PLAAT1: variants seen among roughly 807,000 people sequenced by gnomAD.
The protein encoded by PLAAT1 is H-REV107 protein-related protein.
PLAAT1 carries 13 observed loss-of-function variants against 16.4 expected under a neutral mutation model. The observed-to-expected ratio is 0.79, with a 90% CI of 0.52 to 1.26. PLAAT1 has a LOEUF of 1.26. Among genes scored for constraint, PLAAT1 ranks in the 50% most tolerant of loss-of-function variants. The pLI is 0.00. For synonymous variants in PLAAT1, 73 were observed against 78.4 expected (o/e 0.93, Z 0.36); for missense variants, 218 against 207.8 (o/e 1.05, Z -0.30).
chr3:193,241,497 T>C lies in PLAAT1; in HGVS notation c.-37T>C. The C allele has an allele frequency of 4.9e-6, 6 of 1,231,872 alleles. No homozygotes were observed. The highest frequency in any genetic ancestry group is 6.1e-6 in the Non-Finnish European group (6 of 988,168). 76.3% of individuals were successfully genotyped at this position (1,231,872 alleles called of 1,614,324 possible). On this transcript the variant is annotated 5_prime_UTR_variant, in exon 1 of 4. Coordinates refer to ENST00000264735, the MANE Select transcript of PLAAT1 (RefSeq NM_020386.5). The stretch of plus-strand genomic sequence containing the variant: ...AGACCCCAGGACACACACAGCTGCC[T>C]CCCGGTGCGAGAAGAAGACCCCGGC...
intron 2 of PLAAT1, among the ~76,000 whole-genome samples, chr3:193,259,591 G>T (rs567111866): frequency 2.6e-5 from 4 of 152,104 alleles, no homozygotes; most frequent in African/African-American, 9.6e-5. Flanking sequence ...TAACATTCTA[G>T]CTGAGAGCCA....
chr3:193,279,299 T>C, downstream of PLAAT1: 1 of 1,246,360 alleles, frequency 8.0e-7, no homozygotes, highest in Non-Finnish European at 1.2e-6. Flanking sequence ...AATTGACTTG[T>C]GAATTACAAT....
chr3:193,257,408 G>A (rs75843038), intron 2 of PLAAT1, among the ~76,000 whole-genome samples: 1,592 of 152,188 alleles, frequency 0.01, 55 homozygotes, highest in East Asian at 0.072. Flanking sequence ...TTTATTGCAG[G>A]GAAGATGGTC....
intron 1 of PLAAT1, among the ~76,000 whole-genome samples, chr3:193,246,356 TATTA>T (rs1715983155): frequency 8.0e-6 from 1 of 125,308 alleles, no homozygotes; most frequent in Non-Finnish European, 1.8e-5. Context: ...TATATTTATT[TATTA>T]ATGTATTTAT....
In PLAAT1 at chr3:193,255,740, C is replaced by T. The variant is rs753108985; in HGVS notation, c.90C>T (p.His30=). Reference sequence around the variant, plus strand: ...AAGTGTTCCGTCCTGGCTATCAGCACTGGGCCCTGTACTTGGGTGATGGTT... The same window carrying T: ...AAGTGTTCCGTCCTGGCTATCAGCATTGGGCCCTGTACTTGGGTGATGGTT... The part of the protein sequence containing the change: ...LIEVFRPGYQ[H]WALYLGDGYV... The change falls in exon 2 of 4, where the codon CAC becomes CAT. Residue 30 remains histidine, a synonymous_variant. Transcript: ENST00000264735. The T allele has an allele frequency of 1.9e-6, 3 of 1,613,018 alleles. No individual in the cohort carries two copies. Among genetic ancestry groups the T allele is most frequent in the African/African-American group, 2.7e-5 (2 of 74,874 alleles).
intron 1 of PLAAT1, among the ~76,000 whole-genome samples, chr3:193,254,328 G>A: frequency 6.6e-6 from 1 of 152,112 alleles, no homozygotes; most frequent in East Asian, 1.9e-4. Context: ...GTATTCCCAA[G>A]TCCTTAGTCT....
downstream of PLAAT1, chr3:193,275,336 T>C (rs774427864): frequency 1.9e-6 from 3 of 1,604,544 alleles, no homozygotes; most frequent in African/African-American, 4.0e-5. Flanking sequence ...ATCAATTTAT[T>C]GCGCAGGTCC....
intron 2 of PLAAT1, among the ~76,000 whole-genome samples, chr3:193,261,718 G>C (rs926937215): frequency 6.6e-6 from 1 of 152,010 alleles, no homozygotes; most frequent in Non-Finnish European, 1.5e-5. Context: ...ATATTATTGT[G>C]GTTTGAGCGT....
downstream of PLAAT1, chr3:193,279,422 C>T: frequency 6.2e-7 from 1 of 1,613,666 alleles, no homozygotes; most frequent in Non-Finnish European, 8.5e-7. Flanking sequence ...ATTGTGAGGC[C>T]CAAGGCAGCT....
At chr3:193,247,699 G>T (rs1051073374) in intron 1 of PLAAT1, among the ~76,000 whole-genome samples, 1 of 152,078 alleles carries the variant, frequency 6.6e-6, no homozygotes, top group Admixed American at 6.6e-5. Context: ...CTCATTGGTT[G>T]TTGAAGGGCA....
rs1715743766 is a variant in PLAAT1 at position 193,241,490 on chromosome 3, A to G, written c.-44A>G. On this transcript the variant is annotated 5_prime_UTR_variant, in exon 1 of 4. Transcript: ENST00000264735. ...CCAAGAGAGACCCCAGGACACACAC[A>G]GCTGCCTCCCGGTGCGAGAAGAAGA... The G allele has an allele frequency of 3.2e-6, 4 of 1,231,952 alleles. No individual in the cohort carries two copies. Among genetic ancestry groups the G allele is most frequent in the Middle Eastern group, 6.2e-4 (2 of 3,210 alleles). 76.3% of individuals were successfully genotyped at this position (1,231,952 alleles called of 1,614,324 possible). A position where few individuals can be genotyped will look rare whatever the true frequency, so the allele number is the denominator to read the frequency against.
intron 3 of PLAAT1, among the ~76,000 whole-genome samples, chr3:193,263,443 A>G (rs1477216093): frequency 6.6e-6 from 1 of 152,196 alleles, no homozygotes; most frequent in Non-Finnish European, 1.5e-5. Context: ...TTGAGCTATA[A>G]GGGACTTGAA....
chr3:193,254,331 C>G (rs987233806), intron 1 of PLAAT1, among the ~76,000 whole-genome samples: 1 of 152,084 alleles, frequency 6.6e-6, no homozygotes, highest in African/African-American at 2.4e-5. Context: ...TTCCCAAGTC[C>G]TTAGTCTCTG....
intron 3 of PLAAT1, among the ~76,000 whole-genome samples, chr3:193,267,971 C>T (rs913803055): frequency 6.6e-6 from 1 of 152,146 alleles, no homozygotes; most frequent in African/African-American, 2.4e-5. Context: ...TTATATGCTT[C>T]TTTGCATATC....
In PLAAT1 at chr3:193,253,573, C is replaced by T. The variant is rs934425717; in HGVS notation, c.1-2078C>T. On this transcript the variant is annotated intron_variant, in intron 1 of 3. Coordinates refer to ENST00000264735, the MANE Select transcript of PLAAT1 (RefSeq NM_020386.5). ...GCTCCCTAAGGGTTACTTGCAGCAG[C>T]TTTTTGAGATAAACAAAATCAGGCT... Among the ~76,000 whole-genome samples, 2 of 152,180 alleles carry T rather than the reference C, an allele frequency of 1.3e-5. 1 individual carries two copies. Among genetic ancestry groups the T allele is most frequent in the South Asian group, 4.2e-4 (2 of 4,812 alleles).
At chr3:193,255,014 A>G (rs139762923) in intron 1 of PLAAT1, among the ~76,000 whole-genome samples, 50 of 152,252 alleles carry the variant, frequency 3.3e-4, no homozygotes, top group African/African-American at 1.1e-3. Flanking sequence ...AATATATGGC[A>G]TTTTTGCAGA....
At chr3:193,280,355 A>G (rs892801805), downstream of PLAAT1, among the ~76,000 whole-genome samples, 6 of 152,026 alleles carry the variant, frequency 3.9e-5, no homozygotes, top group Non-Finnish European at 8.8e-5. Flanking sequence ...CTGGCCTCCA[A>G]TTTTTCTTAA....
At chr3:193,271,896 G>T (rs566142942), downstream of PLAAT1, among the ~76,000 whole-genome samples, 8 of 152,204 alleles carry the variant, frequency 5.3e-5, no homozygotes, top group East Asian at 1.5e-3. Flanking sequence ...TAATGGTAAT[G>T]GAAGGAGTTG....
downstream of PLAAT1, chr3:193,270,871 A>C: frequency 7.7e-7 from 1 of 1,303,482 alleles, no homozygotes; most frequent in Non-Finnish European, 9.8e-7. Flanking sequence ...GAGCCAATGA[A>C]ATTTTTTTCC....
Sources: allele counts gnomAD v4.1 joint callset (sites outside exome capture counted in the v4.1 genomes callset), GRCh38; gene constraint gnomAD v4.1.1; transcripts MANE v1.5; gene names NCBI Gene and HGNC (gene_info 2026-07-23, HGNC 2026-07-21).